CEP89: variants seen among roughly 807,000 people sequenced by gnomAD.
CEP89 encodes the protein centrosomal protein of 89 kDa.
CEP89 carries 95 observed loss-of-function variants against 97.6 expected under a neutral mutation model. The ratio of observed to expected loss-of-function variants is 0.97; its 90% CI spans 0.82 to 1.15. CEP89 has a LOEUF of 1.15. Among genes scored for constraint, CEP89 ranks in the 50% most tolerant of loss-of-function variants. CEP89 has a pLI of 0.00. For missense variants in CEP89, 869 were observed against 947.7 expected (o/e 0.92, Z 1.09); for synonymous variants, 354 against 349.1 (o/e 1.01, Z -0.16).
chr19:32,956,173 A>G (rs1196110588), intron 3 of CEP89, among the ~76,000 whole-genome samples: 1 of 147,774 alleles, frequency 6.8e-6, no homozygotes, highest in Non-Finnish European at 1.5e-5. Flanking sequence ...CTCCTGCCTC[A>G]GCCTCCTGAG....
At chr19:32,966,676 T>C (rs1260896890) in intron 1 of CEP89, among the ~76,000 whole-genome samples, 1 of 152,090 alleles carries the variant, frequency 6.6e-6, no homozygotes, top group African/African-American at 2.4e-5. Flanking sequence ...TAGCTGCTCA[T>C]TGTGTGGCCC....
intron 17 of CEP89, among the ~76,000 whole-genome samples, chr19:32,885,548 C>T (rs1305627088): frequency 6.6e-6 from 1 of 152,160 alleles, no homozygotes. Context: ...TCTCAGACTC[C>T]TGGGCTCAAG....
chr19:32,921,151 G>A (rs1235794193), intron 12 of CEP89, among the ~76,000 whole-genome samples: 1 of 151,848 alleles, frequency 6.6e-6, no homozygotes, highest in Non-Finnish European at 1.5e-5. Context: ...GAACCCAGGA[G>A]GTGGAGGTTG....
rs112440983 is a variant in CEP89, at chr19:32,915,115, C to G, written c.1565+222G>C. On this transcript the variant is annotated intron_variant, in intron 14 of 18. Transcript: ENST00000305768. Reference sequence around the variant, plus strand: ...AAACCCAGAAAGAACTGAGCAACCTCTCTCCATTCTGCCTATAACCACAGG... The same window carrying G: ...AAACCCAGAAAGAACTGAGCAACCTGTCTCCATTCTGCCTATAACCACAGG... 1.3e-4 allele frequency among the ~76,000 whole-genome samples: 20 copies of G among 152,104 alleles called. 3 individuals are homozygous for G. The highest frequency in any genetic ancestry group is 4.6e-4 in the African/African-American group (19 of 41,520).
At chr19:32,904,818 T>C (rs77243287) in intron 14 of CEP89, among the ~76,000 whole-genome samples, 1 of 152,008 alleles carries the variant, frequency 6.6e-6, no homozygotes, top group Non-Finnish European at 1.5e-5. Context: ...TCTCGATCTC[T>C]TGACTTCATG....
At chr19:32,963,275 G>T (rs1005274570) in intron 2 of CEP89, among the ~76,000 whole-genome samples, 7 of 152,126 alleles carry the variant, frequency 4.6e-5, no homozygotes, top group African/African-American at 1.4e-4. Flanking sequence ...AGAATCGCTT[G>T]AATCCAGGAG....
rs903783103 is a variant in CEP89, at chr19:32,877,840, C to G, written c.*1322G>C. On this transcript the variant is annotated 3_prime_UTR_variant, in exon 19 of 19. Coordinates refer to ENST00000305768, the MANE Select transcript of CEP89 (RefSeq NM_032816.5). Reference sequence around the variant, plus strand: ...GGCTGCCCAGGCTGGGGTATAATGGCGTGATCTTGGTTCACTGCAACCTCC... The same window carrying G: ...GGCTGCCCAGGCTGGGGTATAATGGGGTGATCTTGGTTCACTGCAACCTCC... The G allele has an allele frequency of 6.6e-6, 1 of 151,928 alleles. No individual in the cohort carries two copies. The highest frequency in any genetic ancestry group is 1.5e-5 in the Non-Finnish European group (1 of 68,030). 9.4% of individuals were successfully genotyped at this position (151,928 alleles called of 1,614,324 possible). A position where few individuals can be genotyped will look rare whatever the true frequency, so the allele number is the denominator to read the frequency against.
At chr19:32,913,139 T>G (rs1417617748) in intron 14 of CEP89, among the ~76,000 whole-genome samples, 1 of 148,180 alleles carries the variant, frequency 6.7e-6, no homozygotes, top group Non-Finnish European at 1.5e-5. Context: ...TACAAAATAT[T>G]ATATAATTAT....
At chr19:32,909,477 C>T (rs1969955030) in intron 14 of CEP89, among the ~76,000 whole-genome samples, 2 of 152,102 alleles carry the variant, frequency 1.3e-5, no homozygotes, top group African/African-American at 4.8e-5. Flanking sequence ...TAGATGTGAA[C>T]AAGCAACAAG....
At chr19:32,903,902 G>A (rs1414886394) in intron 14 of CEP89, among the ~76,000 whole-genome samples, 1 of 152,242 alleles carries the variant, frequency 6.6e-6, no homozygotes, top group Non-Finnish European at 1.5e-5. Flanking sequence ...GTCCCCCACT[G>A]TAATCCCAGC....
chr19:32,971,926 T>A lies in CEP89; in HGVS notation c.-52A>T. Reference sequence around the variant, plus strand: ...GGGCCTGGACTCATCAGCAGATCTATCCACAGCCAGGGACCACTCCCTAAA... The same window carrying A: ...GGGCCTGGACTCATCAGCAGATCTAACCACAGCCAGGGACCACTCCCTAAA... On this transcript the variant is annotated 5_prime_UTR_variant, in exon 1 of 19. Transcript: ENST00000305768. 1 of 1,557,938 alleles carries A rather than the reference T, an allele frequency of 6.4e-7. No individual in the cohort carries two copies. Among genetic ancestry groups the A allele is most frequent in the East Asian group, 2.4e-5 (1 of 41,386 alleles).
At chr19:32,888,143 C>A (rs1294473556) in intron 16 of CEP89, among the ~76,000 whole-genome samples, 1 of 152,212 alleles carries the variant, frequency 6.6e-6, no homozygotes, top group African/African-American at 2.4e-5. Context: ...CTTATGGAAT[C>A]TATCTTTCCT....
At chr19:32,947,445 G>C (rs1970820783) in intron 5 of CEP89, among the ~76,000 whole-genome samples, 2 of 151,926 alleles carry the variant, frequency 1.3e-5, no homozygotes, top group African/African-American at 2.4e-5. Context: ...ACAGCACCTT[G>C]TACTTTAAAA....
intron 18 of CEP89, among the ~76,000 whole-genome samples, chr19:32,880,410 A>T (rs1356969897): frequency 6.6e-6 from 1 of 152,130 alleles, no homozygotes; most frequent in Admixed American, 6.6e-5. Context: ...GGTAAGAACA[A>T]CTTAATTAAA....
chr19:32,901,421 C>T lies in CEP89; in HGVS notation c.1566-9G>A, dbSNP rs1255243709. 11 of 1,608,812 alleles carry T rather than the reference C, an allele frequency of 6.8e-6. No homozygotes were observed. The highest frequency in any genetic ancestry group is 4.0e-5 in the African/African-American group (3 of 74,362). ...CTTCCTTCTGTAATTGGCTGAAGGA[C>T]AAAAACATTACATGCTCGTATCCAG... On this transcript the variant is annotated splice_polypyrimidine_tract_variant and intron_variant, in intron 14 of 18. Transcript: ENST00000305768.
At chr19:32,931,391 A>C in intron 9 of CEP89, 38 bp downstream of exon 9, 1 of 1,538,412 alleles carries the variant, frequency 6.5e-7, no homozygotes, top group Non-Finnish European at 8.7e-7. Context: ...AAAGGCTTAA[A>C]AATCTGAAAA....
Position 32,918,261 on chromosome 19 carries a change from CCTTTGCT to C in CEP89, c.1340_1346del (p.Gln447ArgfsTer17), listed in dbSNP as rs779583313. On this transcript the variant is annotated frameshift_variant, in exon 13 of 19. Coordinates refer to ENST00000305768, the MANE Select transcript of CEP89 (RefSeq NM_032816.5). LOFTEE classifies it high-confidence loss of function. ...GCTCCTGGTGGCTGTCCTTGGCTTT[CCTTTGCT>C]GAATCTCCAACTGCTCCAGCAACAA... The C allele has an allele frequency of 6.2e-7, 1 of 1,614,170 alleles. No homozygotes were observed. The highest frequency in any genetic ancestry group is 1.1e-5 in the South Asian group (1 of 91,076).
In CEP89 at chr19:32,877,388, T is replaced by G. The variant is rs1399554290; in HGVS notation, c.*1774A>C. The G allele has an allele frequency of 6.6e-6, 1 of 152,292 alleles. No homozygotes were observed. The highest frequency in any genetic ancestry group is 2.4e-5 in the African/African-American group (1 of 41,442). 9.4% of individuals were successfully genotyped at this position (152,292 alleles called of 1,614,324 possible). On this transcript the variant is annotated 3_prime_UTR_variant, in exon 19 of 19. Transcript: ENST00000305768. ...AGGAGATGCTGCAGGGTGCCACCCC[T>G]GAGTCCCACAGTTAGGGTCCTTTGT...
chr19:32,887,244 G>T (rs1180296427), intron 17 of CEP89, among the ~76,000 whole-genome samples: 1 of 151,424 alleles, frequency 6.6e-6, no homozygotes, highest in Non-Finnish European at 1.5e-5. Flanking sequence ...TTGAGACAGG[G>T]TCTCACTCTG....
Sources: gnomAD v4.1 joint callset for allele counts (sites outside exome capture counted in the v4.1 genomes callset) on GRCh38, gnomAD v4.1.1 for gene constraint, MANE v1.5 for transcripts, NCBI Gene and HGNC (gene_info 2026-07-23, HGNC 2026-07-21) for gene names.